OPCML: variants seen among roughly 807,000 people sequenced by gnomAD.
OPCML encodes opioid binding protein/cell adhesion molecule like.
In OPCML, 13 loss-of-function variants were observed where a neutral mutation model predicts 37.8. That is an observed-to-expected ratio of 0.34 (90% CI 0.22 to 0.55). OPCML has a LOEUF of 0.55. OPCML is among the 20% of genes least tolerant of loss of function. The pLI is 0.91. For synonymous variants in OPCML, 176 were observed against 168.8 expected (o/e 1.04, Z -0.33); for missense variants, 341 against 435.6 (o/e 0.78, Z 1.93).
chr11:132,508,500 AC>A, intron 4 of OPCML, among the ~76,000 whole-genome samples: 1 of 152,210 alleles, frequency 6.6e-6, no homozygotes, highest in East Asian at 1.9e-4. Context: ...CTAGTCACAC[AC>A]ACACACTCTG....
chr11:132,661,477 G>A (rs1016392729), intron 2 of OPCML, among the ~76,000 whole-genome samples: 5 of 152,160 alleles, frequency 3.3e-5, no homozygotes, highest in Non-Finnish European at 7.4e-5. Flanking sequence ...AGAACTCAGG[G>A]AAGGACTTAA....
At chr11:132,858,212 T>A (rs2136349621) in intron 2 of OPCML, among the ~76,000 whole-genome samples, 1 of 152,286 alleles carries the variant, frequency 6.6e-6, no homozygotes, top group East Asian at 1.9e-4. Flanking sequence ...TCTGCACAGC[T>A]CTCAGGCTCT....
intron 3 of OPCML, among the ~76,000 whole-genome samples, chr11:132,539,151 A>G (rs2096348942): frequency 1.3e-5 from 2 of 152,216 alleles, no homozygotes; most frequent in South Asian, 4.1e-4. Context: ...TGTATAGAGG[A>G]GAACACTGAC....
intron 1 of OPCML, among the ~76,000 whole-genome samples, chr11:133,020,775 G>A (rs1214083968): frequency 6.6e-6 from 1 of 152,138 alleles, no homozygotes. Context: ...ATGACTTAAT[G>A]GTGTAGAAAA....
intron 2 of OPCML, among the ~76,000 whole-genome samples, chr11:132,711,332 A>T (rs964291753): frequency 6.6e-6 from 1 of 152,222 alleles, no homozygotes; most frequent in African/African-American, 2.4e-5. Flanking sequence ...ACCCAAAAGA[A>T]TGACATTCAA....
chr11:132,739,835 C>G (rs1200035201), intron 2 of OPCML, among the ~76,000 whole-genome samples: 1 of 152,124 alleles, frequency 6.6e-6, no homozygotes, highest in Non-Finnish European at 1.5e-5. Flanking sequence ...AAAGTACAGT[C>G]AAAATCAATG....
At chr11:132,431,907 T>C (rs2095998248) in intron 7 of OPCML, among the ~76,000 whole-genome samples, 2 of 152,056 alleles carry the variant, frequency 1.3e-5, no homozygotes, top group South Asian at 4.1e-4. Context: ...GGGTTGCAAA[T>C]CTAAAAATTG....
chr11:133,317,994 C>T (rs1213225744), intron 1 of OPCML, among the ~76,000 whole-genome samples: 4 of 152,096 alleles, frequency 2.6e-5, no homozygotes, highest in Non-Finnish European at 5.9e-5. Flanking sequence ...GGAGGTAGAT[C>T]GAATGATTAT....
intron 2 of OPCML, among the ~76,000 whole-genome samples, chr11:132,736,827 C>G (rs1004465255): frequency 6.6e-6 from 1 of 152,196 alleles, no homozygotes; most frequent in Non-Finnish European, 1.5e-5. Context: ...AGACTCAGAG[C>G]TGGGACCACC....
At chr11:132,695,753 A>C (rs79680736) in intron 2 of OPCML, among the ~76,000 whole-genome samples, 1,664 of 152,328 alleles carry the variant, frequency 0.011, 22 homozygotes, top group African/African-American at 0.037. Context: ...AATAAAAGGA[A>C]TCATCACATA....
chr11:132,999,047 G>A (rs1008871257), intron 1 of OPCML, among the ~76,000 whole-genome samples: 1 of 152,162 alleles, frequency 6.6e-6, no homozygotes, highest in Non-Finnish European at 1.5e-5. Context: ...CAGATGATAG[G>A]AACCTTGTGT....
In OPCML at chr11:133,004,521, G is replaced by A. The variant is rs540686256; in HGVS notation, c.62-61511C>T. 2.1e-5 allele frequency: 21 copies of A among 985,422 alleles called. No homozygotes were observed. In the South Asian group the frequency reaches 5.6e-4, roughly 26 times the overall value. The allele number at this position is 985,422 out of a possible 1,614,324, so 61.0% of individuals were successfully genotyped here. A position where few individuals can be genotyped will look rare whatever the true frequency, so the allele number is the denominator to read the frequency against. ...ATGCCCTCTGCAGACGACCGAGGTCGGCCTTGGCCATGCACCTCTTGGCCG... is the reference window on the plus strand; with the variant it reads ...ATGCCCTCTGCAGACGACCGAGGTCAGCCTTGGCCATGCACCTCTTGGCCG... On this transcript the variant is annotated intron_variant, in intron 1 of 7. Transcript: ENST00000524381.
chr11:133,026,048 T>C, intron 1 of OPCML: 1 of 985,240 alleles, frequency 1.0e-6, no homozygotes, highest in Non-Finnish European at 1.2e-6. Flanking sequence ...ATTTGATTTT[T>C]ACTGTATTAT....
chr11:132,552,119 A>G (rs975472748), intron 3 of OPCML, among the ~76,000 whole-genome samples: 3 of 152,244 alleles, frequency 2.0e-5, no homozygotes, highest in African/African-American at 7.2e-5. Context: ...GCCCTGCCTC[A>G]GTTTCTAACT....
At chr11:133,034,248 A>T (rs180995116) in intron 1 of OPCML, among the ~76,000 whole-genome samples, 2 of 151,944 alleles carry the variant, frequency 1.3e-5, no homozygotes, top group Non-Finnish European at 2.9e-5. Context: ...ACCAGCTATC[A>T]AGCAGCTACC....
chr11:133,384,607 C>T lies in OPCML; in HGVS notation c.61+147657G>A, dbSNP rs183309680. ...TCATCTCAGTCTATCAATCCTAGCTCTTGTCGCTTGTCCCCAAAGAAAATC... is the reference window on the plus strand; with the variant it reads ...TCATCTCAGTCTATCAATCCTAGCTTTTGTCGCTTGTCCCCAAAGAAAATC... On this transcript the variant is annotated intron_variant, in intron 1 of 7. Transcript: ENST00000524381. Among the ~76,000 whole-genome samples, 213 of 152,336 alleles carry T rather than the reference C, an allele frequency of 1.4e-3. 1 individual carries two copies. The highest frequency in any genetic ancestry group is 4.8e-3 in the African/African-American group (200 of 41,588).
chr11:133,281,024 C>T (rs1024237547), intron 1 of OPCML, among the ~76,000 whole-genome samples: 1 of 152,156 alleles, frequency 6.6e-6, no homozygotes, highest in Non-Finnish European at 1.5e-5. Flanking sequence ...TCAACAGAGG[C>T]ACTGGAGAAA....
chr11:132,500,417 G>A (rs2096243084), intron 4 of OPCML, among the ~76,000 whole-genome samples: 1 of 152,162 alleles, frequency 6.6e-6, no homozygotes, highest in Non-Finnish European at 1.5e-5. Flanking sequence ...TGTAACTCCT[G>A]AACTTAACCT....
intron 2 of OPCML, among the ~76,000 whole-genome samples, chr11:132,855,512 C>A (rs1027146615): frequency 6.6e-6 from 1 of 152,190 alleles, no homozygotes; most frequent in Non-Finnish European, 1.5e-5. Flanking sequence ...GGCATGAAGA[C>A]CACTCTGGGT....
Sources: gnomAD v4.1 joint callset for allele counts (sites outside exome capture counted in the v4.1 genomes callset) on GRCh38, gnomAD v4.1.1 for gene constraint, MANE v1.5 for transcripts, NCBI Gene and HGNC (gene_info 2026-07-23, HGNC 2026-07-21) for gene names.